The following UGT1A7 variants were observed in gnomAD, a reference collection of about 807,000 sequenced individuals.
UGT1A7 encodes the protein UDP-glucuronosyltransferase 1A7.
UGT1A7 carries 33 observed loss-of-function variants against 45.6 expected under a neutral mutation model. The observed-to-expected ratio is 0.72, with a 90% CI of 0.55 to 0.97. The LOEUF (loss-of-function observed/expected upper bound fraction) is 0.97. Among genes scored for constraint, UGT1A7 ranks in the 50% least tolerant of loss-of-function variants. The pLI, the probability that UGT1A7 is intolerant of heterozygous loss-of-function variation, is 0.00. For synonymous variants in UGT1A7, 274 were observed against 250.6 expected (o/e 1.09, Z -0.88); for missense variants, 684 against 666.2 (o/e 1.03, Z -0.29).
chr2:233,769,869 A>T lies in UGT1A7; in HGVS notation c.1295+1430A>T, dbSNP rs988879005. Reference sequence around the variant, plus strand: ...TGAGACCCTGTCTCAAAAAAAAAAAAAAAAATGAAAAGTCCACATAACCTG... The same window carrying T: ...TGAGACCCTGTCTCAAAAAAAAAAATAAAAATGAAAAGTCCACATAACCTG... On this transcript the variant is annotated intron_variant, in intron 4 of 4. Transcript: ENST00000373426. This position sits in a 1 kb window ranked among gnomAD's most constrained non-coding sequence, Gnocchi z 4.4. The T allele has an allele frequency of 3.7e-5, 17 of 465,504 alleles. No individual in the cohort carries two copies. Among genetic ancestry groups the T allele is most frequent in the Non-Finnish European group, 6.1e-5 (17 of 276,814 alleles). The allele number at this position is 465,504 out of a possible 1,614,324, so 28.8% of individuals were successfully genotyped here. A position where few individuals can be genotyped will look rare whatever the true frequency, so the allele number is the denominator to read the frequency against.
intron 1 of UGT1A7, chr2:233,752,472 A>G (rs185071344): frequency 6.6e-5 from 10 of 152,356 alleles, no homozygotes; most frequent in Admixed American, 4.6e-4. Flanking sequence ...GGCCTCTAGC[A>G]GTGTTATGTT....
At chr2:233,719,554 T>C in intron 1 of UGT1A7, 1 of 1,613,912 alleles carries the variant, frequency 6.2e-7, no homozygotes. Context: ...GAGGTGTCAG[T>C]GGTGGATCTT....
chr2:233,718,785 G>T (rs544842461), intron 1 of UGT1A7: 1 of 1,612,968 alleles, frequency 6.2e-7, no homozygotes, highest in South Asian at 1.1e-5. Context: ...GGCACAGCGT[G>T]GGGTGGACAG....
intron 1 of UGT1A7, among the ~76,000 whole-genome samples, chr2:233,688,625 C>T (rs1295939940): frequency 2.6e-5 from 4 of 152,032 alleles, no homozygotes; most frequent in Non-Finnish European, 5.9e-5. Flanking sequence ...AACATGAGTT[C>T]GTCTTGTTTT....
At chr2:233,724,615 G>A (rs2077289109) in intron 1 of UGT1A7, among the ~76,000 whole-genome samples, 1 of 137,470 alleles carries the variant, frequency 7.3e-6, no homozygotes, top group South Asian at 2.8e-4. Flanking sequence ...GCCGGGCAGA[G>A]ACGCTCCTCA....
At chr2:233,711,559 C>T (rs1421347641) in intron 1 of UGT1A7, among the ~76,000 whole-genome samples, 2 of 152,214 alleles carry the variant, frequency 1.3e-5, no homozygotes, top group Non-Finnish European at 2.9e-5. Context: ...GGAGAGTTCC[C>T]AAAGCCCTTG....
intron 1 of UGT1A7, among the ~76,000 whole-genome samples, chr2:233,739,441 A>G (rs1691102531): frequency 6.6e-6 from 1 of 152,220 alleles, no homozygotes. Context: ...TTTACCCTGC[A>G]AAGCCACAGG....
chr2:233,706,693 T>C (rs1230207600), intron 1 of UGT1A7, among the ~76,000 whole-genome samples: 1 of 152,202 alleles, frequency 6.6e-6, no homozygotes, highest in Non-Finnish European at 1.5e-5. Context: ...CTCCTTCTTG[T>C]CACTGAAAAG....
At chr2:233,700,719 T>A (rs551815415) in intron 1 of UGT1A7, among the ~76,000 whole-genome samples, 5 of 152,300 alleles carry the variant, frequency 3.3e-5, no homozygotes, top group East Asian at 1.9e-4. Context: ...TTTCTTTTTT[T>A]AAAAATTTTA....
chr2:233,683,013 T>C (rs1053906206), intron 1 of UGT1A7, among the ~76,000 whole-genome samples: 2 of 152,186 alleles, frequency 1.3e-5, no homozygotes, highest in African/African-American at 2.4e-5. Flanking sequence ...TTGTAGATCA[T>C]ATCTAGGCTG....
intron 1 of UGT1A7, among the ~76,000 whole-genome samples, chr2:233,705,184 T>C (rs932565364): frequency 1.3e-5 from 2 of 152,066 alleles, no homozygotes; most frequent in African/African-American, 4.8e-5. Context: ...GAAGTATGCA[T>C]TGGTACTGCC....
intron 1 of UGT1A7, among the ~76,000 whole-genome samples, chr2:233,737,380 C>T (rs1472756282): frequency 6.6e-6 from 1 of 152,238 alleles, no homozygotes; most frequent in Non-Finnish European, 1.5e-5. Context: ...GGGAGAGAAT[C>T]TCCTTGTCTG....
At chr2:233,707,410 C>G (rs370050172) in intron 1 of UGT1A7, among the ~76,000 whole-genome samples, 97 of 152,270 alleles carry the variant, frequency 6.4e-4, no homozygotes, top group African/African-American at 2.3e-3. Context: ...TGTTCTCTCT[C>G]CCTCGACTAT....
At chr2:233,699,519 C>T (rs868288964) in intron 1 of UGT1A7, among the ~76,000 whole-genome samples, 4 of 152,156 alleles carry the variant, frequency 2.6e-5, no homozygotes, top group East Asian at 1.9e-4. Flanking sequence ...TCAAGCCTTC[C>T]GAAGGACAGG....
intron 1 of UGT1A7, chr2:233,755,075 A>C (rs1312444555): frequency 7.5e-7 from 1 of 1,336,312 alleles, no homozygotes; most frequent in East Asian, 4.6e-5. Context: ...CATAGCGGTC[A>C]TAGATATCGC....
chr2:233,762,115 C>A (rs1697973235), intron 1 of UGT1A7, among the ~76,000 whole-genome samples: 1 of 152,304 alleles, frequency 6.6e-6, no homozygotes, highest in South Asian at 2.1e-4. Flanking sequence ...CGCTTCACAT[C>A]ATGAGCCATG....
rs1294675830 is a variant in UGT1A7 at position 233,743,947 on chromosome 2, T to C, written c.856-23087T>C. The C allele has an allele frequency of 8.9e-6, 12 of 1,348,380 alleles. No individual in the cohort carries two copies. In the Admixed American group the frequency reaches 2.3e-4, roughly 26 times the overall value. The allele number at this position is 1,348,380 out of a possible 1,614,324, so 83.5% of individuals were successfully genotyped here. A position where few individuals can be genotyped will look rare whatever the true frequency, so the allele number is the denominator to read the frequency against. Reference sequence around the variant, plus strand: ...ATGGCCAGAACGGCCCACCAGGCACTGGCACAGCGAGCGGCAAGGCTGCCA... The same window carrying C: ...ATGGCCAGAACGGCCCACCAGGCACCGGCACAGCGAGCGGCAAGGCTGCCA... On this transcript the variant is annotated intron_variant, in intron 1 of 4. Coordinates refer to ENST00000373426, the MANE Select transcript of UGT1A7 (RefSeq NM_019077.3).
chr2:233,705,112 G>T (rs1194885288), intron 1 of UGT1A7, among the ~76,000 whole-genome samples: 1 of 149,892 alleles, frequency 6.7e-6, no homozygotes, highest in Admixed American at 6.7e-5. Context: ...CGCCAGCCTG[G>T]GGGACAAGAG....
In UGT1A7 at chr2:233,767,094, T is replaced by A; in HGVS notation, c.916T>A (p.Ser306Thr). 3 of 1,614,120 alleles carry A rather than the reference T, an allele frequency of 1.9e-6. No homozygotes were observed. The highest frequency in any genetic ancestry group is 2.5e-6 in the Non-Finnish European group (3 of 1,180,014). ...EHGIVVFSLG[S>T]MVSEIPEKKA... ...TGGAATTGTGGTTTTCTCTTTGGGA[T>A]CAATGGTCTCAGAAATTCCAGAGAA... Residue 306 changes from serine (S) to threonine (T), a missense_variant, in exon 2 of 5, where the codon TCA (serine) becomes ACA (threonine). Transcript: ENST00000373426.
Sources: allele counts gnomAD v4.1 joint callset (sites outside exome capture counted in the v4.1 genomes callset), GRCh38; gene constraint gnomAD v4.1.1; non-coding constraint Gnocchi (gnomAD v3.1); transcripts MANE v1.5; gene names NCBI Gene and HGNC (gene_info 2026-07-23, HGNC 2026-07-21).